AGK: variants seen among roughly 807,000 people sequenced by gnomAD.
The protein encoded by AGK is acylglycerol kinase, mitochondrial.
A neutral mutation model predicts 66.4 loss-of-function variants in AGK; 52 were observed. That is an observed-to-expected ratio of 0.78 (90% CI 0.63 to 0.99). The LOEUF is 0.99. AGK is among the 50% of genes least tolerant of loss of function. The probability of loss-of-function intolerance (pLI) is 0.00; values close to 1 mark genes in which losing one functional copy is unlikely to be tolerated. For synonymous variants in AGK, 182 were observed against 181.1 expected (o/e 1.00, Z -0.04); for missense variants, 451 against 506.6 (o/e 0.89, Z 1.05).
intron 13 of AGK, among the ~76,000 whole-genome samples, chr7:141,648,489 C>A (rs1797470581): frequency 6.6e-6 from 1 of 152,172 alleles, no homozygotes; most frequent in Non-Finnish European, 1.5e-5. Flanking sequence ...TAATCTTAGG[C>A]AAAGGCTTTA....
rs1795192883 is a variant in AGK at position 141,555,613 on chromosome 7, C to G, written c.101+46C>G. 4.8e-6 allele frequency: 7 copies of G among 1,446,374 alleles called. No individual in the cohort carries two copies. In the African/African-American group the frequency reaches 7.0e-5, roughly 15 times the overall value. The allele number at this position is 1,446,374 out of a possible 1,614,324, so 89.6% of individuals were successfully genotyped here. A position where few individuals can be genotyped will look rare whatever the true frequency, so the allele number is the denominator to read the frequency against. ...TCCCACCTTTGCATCTGCAGCAAAA[C>G]AGCCCCAAAGGGCCTCAGGTTAAAA... On this transcript the variant is annotated intron_variant, in intron 2 of 15. Coordinates refer to ENST00000649286, the MANE Select transcript of AGK (RefSeq NM_018238.4). The surrounding 1 kb of genome is among the most constrained non-coding windows in gnomAD (Gnocchi z 4.2).
intron 2 of AGK, among the ~76,000 whole-genome samples, chr7:141,565,653 T>A (rs913198584): frequency 1.3e-4 from 19 of 151,584 alleles, no homozygotes; most frequent in Admixed American, 2.6e-4. Context: ...AAAAAAAAAA[T>A]TCCCAAACTA....
In AGK at chr7:141,635,603, A is replaced by G. The variant is rs543733704; in HGVS notation, c.669-1357A>G. Reference sequence around the variant, plus strand: ...CTCTTTGTCTGTTATTCCAGGCCCAACTTACTCTGTCATCACCCCTAATTA... The same window carrying G: ...CTCTTTGTCTGTTATTCCAGGCCCAGCTTACTCTGTCATCACCCCTAATTA... On this transcript the variant is annotated intron_variant, in intron 10 of 15. Coordinates refer to ENST00000649286, the MANE Select transcript of AGK (RefSeq NM_018238.4). 2.0e-5 allele frequency among the ~76,000 whole-genome samples: 3 copies of G among 152,236 alleles called. No individual in the cohort carries two copies. The South Asian group carries it at 6.2e-4, about 32-fold the overall frequency.
rs1041746095 is a variant in AGK, at chr7:141,625,107, AT to A, written c.588+3314del. On this transcript the variant is annotated intron_variant, in intron 9 of 15. Coordinates refer to ENST00000649286, the MANE Select transcript of AGK (RefSeq NM_018238.4). The stretch of plus-strand genomic sequence containing the variant: ...TTTTAATTTAGCATTTAATGTTAGC[AT>A]TTTTTTTAAGTTAAGGTGCATACTT... 9.9e-5 allele frequency among the ~76,000 whole-genome samples: 15 copies of A among 152,058 alleles called. No individual in the cohort carries two copies. The East Asian group carries it at 2.7e-3, about 27-fold the overall frequency.
chr7:141,641,498 G>A, intron 12 of AGK, 100 bp downstream of exon 12: 2 of 1,346,576 alleles, frequency 1.5e-6, no homozygotes, highest in Non-Finnish European at 2.0e-6. Context: ...ACTAGAGCAG[G>A]AGAAGCCTCT....
intron 8 of AGK, 63 bp from the exon 9 acceptor site, chr7:141,621,669 G>A: frequency 2.9e-6 from 3 of 1,023,982 alleles, no homozygotes; most frequent in East Asian, 4.8e-5. Flanking sequence ...AGTGCATGTG[G>A]CAGTGTGGTG....
chr7:141,628,855 A>G (rs571948761), intron 9 of AGK, among the ~76,000 whole-genome samples: 1 of 152,330 alleles, frequency 6.6e-6, no homozygotes, highest in African/African-American at 2.4e-5. Context: ...AGTTTTTCCC[A>G]TATAGACATC....
chr7:141,645,821 C>G (rs1562985461), intron 13 of AGK, among the ~76,000 whole-genome samples: 1 of 152,126 alleles, frequency 6.6e-6, no homozygotes, highest in African/African-American at 2.4e-5. Context: ...CTCATTTAAT[C>G]TGTCAAAGCA....
chr7:141,596,448 C>T, intron 3 of AGK, 114 bp from the exon 4 acceptor site: 2 of 828,252 alleles, frequency 2.4e-6, no homozygotes, highest in Admixed American at 2.3e-5. Flanking sequence ...TATTTTTCCC[C>T]AAGGGTAGAT....
Position 141,655,195 on chromosome 7 carries a change from C to T in AGK, c.*2271C>T, listed in dbSNP as rs1797667100. ...ATATAATTAGGGAAGGATATGGAAG[C>T]CACTTTAGAATCTTATTCATTTTTA... On this transcript the variant is annotated 3_prime_UTR_variant, in exon 16 of 16. Transcript: ENST00000649286. The T allele has an allele frequency of 6.6e-6, 1 of 152,200 alleles. No individual in the cohort carries two copies. The highest frequency in any genetic ancestry group is 2.4e-5 in the African/African-American group (1 of 41,448). The allele number at this position is 152,200 out of a possible 1,614,324, so 9.4% of individuals were successfully genotyped here.
In AGK at chr7:141,566,057, T is replaced by C. The variant is rs186291612; in HGVS notation, c.101+10490T>C. ...CCGATCTTCGGAAGTGACATGTTCT[T>C]TCTGTTTCAGGATTTCTTGGAATGT... On this transcript the variant is annotated intron_variant, in intron 2 of 15. Coordinates refer to ENST00000649286, the MANE Select transcript of AGK (RefSeq NM_018238.4). Among the ~76,000 whole-genome samples, 130 of 152,364 alleles carry C rather than the reference T, an allele frequency of 8.5e-4. 1 individual carries two copies. Among genetic ancestry groups the C allele is most frequent in the African/African-American group, 3.0e-3 (126 of 41,584 alleles).
chr7:141,612,563 G>T (rs1352339730), intron 6 of AGK, among the ~76,000 whole-genome samples: 1 of 152,132 alleles, frequency 6.6e-6, no homozygotes. Context: ...GTCAATGTAG[G>T]TCCATCAGTT....
intron 5 of AGK, among the ~76,000 whole-genome samples, chr7:141,605,502 A>G (rs1587119338): frequency 1.3e-5 from 2 of 152,202 alleles, no homozygotes; most frequent in African/African-American, 4.8e-5. Context: ...CATTTACTGC[A>G]TAGGTGCTAG....
chr7:141,619,038 G>A (rs987553592), intron 8 of AGK, among the ~76,000 whole-genome samples: 12 of 152,144 alleles, frequency 7.9e-5, no homozygotes, highest in African/African-American at 2.9e-4. Flanking sequence ...AATCAGTGAA[G>A]AGAGAAATCA....
intron 2 of AGK, among the ~76,000 whole-genome samples, chr7:141,587,626 T>C (rs1222965293): frequency 6.6e-6 from 1 of 151,626 alleles, no homozygotes; most frequent in African/African-American, 2.4e-5. Flanking sequence ...CTACTCCCTA[T>C]TTTTGCCTGG....
intron 7 of AGK, among the ~76,000 whole-genome samples, chr7:141,615,269 G>A (rs558847633): frequency 1.3e-5 from 2 of 152,222 alleles, no homozygotes; most frequent in South Asian, 4.1e-4. Flanking sequence ...TCCAAATTCT[G>A]AGTCATTTTG....
At chr7:141,619,824 A>G (rs1280308318) in intron 8 of AGK, among the ~76,000 whole-genome samples, 4 of 152,206 alleles carry the variant, frequency 2.6e-5, no homozygotes, top group South Asian at 4.1e-4. Context: ...ATGAGCAGCA[A>G]TCACACTTAT....
chr7:141,630,467 C>CTT (rs1205422547), intron 9 of AGK, among the ~76,000 whole-genome samples: 2 of 152,132 alleles, frequency 1.3e-5, no homozygotes, highest in Admixed American at 6.5e-5. Flanking sequence ...ATTTAATTAG[C>CTT]TTGATTTAAT....
chr7:141,651,996 T>G (rs1314359314), intron 15 of AGK, among the ~76,000 whole-genome samples: 1 of 152,234 alleles, frequency 6.6e-6, no homozygotes, highest in African/African-American at 2.4e-5. Flanking sequence ...ATAAAGGATC[T>G]GGAAGCAGTT....
Sources: allele counts gnomAD v4.1 joint callset (sites outside exome capture counted in the v4.1 genomes callset), GRCh38; gene constraint gnomAD v4.1.1; non-coding constraint Gnocchi (gnomAD v3.1); transcripts MANE v1.5; gene names NCBI Gene and HGNC (gene_info 2026-07-23, HGNC 2026-07-21).